Variants in SLC4A4 observed in about 807,000 individuals in gnomAD.
SLC4A4 encodes the protein electrogenic sodium bicarbonate cotransporter 1.
SLC4A4 carries 27 observed loss-of-function variants against 111.5 expected under a neutral mutation model. The observed-to-expected ratio is 0.24, with a 90% CI of 0.18 to 0.33. The LOEUF (loss-of-function observed/expected upper bound fraction) is 0.33. Ranked by LOEUF, SLC4A4 falls within the 10% of genes least tolerant of loss-of-function variation. The pLI is 1.00. For missense variants in SLC4A4, 909 were observed against 1,315.5 expected, an observed-to-expected ratio of 0.69 and a Z score of 4.78; for synonymous variants, 443 against 463.4, an observed-to-expected ratio of 0.96 and a Z score of 0.57.
At chr4:71,117,095 G>T (rs990027178) in intron 2 of SLC4A4, among the ~76,000 whole-genome samples, 3 of 152,084 alleles carry the variant, frequency 2.0e-5, no homozygotes, top group African/African-American at 7.2e-5. Context: ...TTTCACCTCA[G>T]CCTCCCAAGC....
chr4:71,537,499 G>A (rs911735011), intron 18 of SLC4A4, among the ~76,000 whole-genome samples: 1 of 151,034 alleles, frequency 6.6e-6, no homozygotes, highest in African/African-American at 2.4e-5. Flanking sequence ...TTTATAAAAG[G>A]CCAGATAACT....
At chr4:71,207,215 C>T (rs1717827575) in intron 1 of SLC4A4, among the ~76,000 whole-genome samples, 1 of 152,166 alleles carries the variant, frequency 6.6e-6, no homozygotes, top group Non-Finnish European at 1.5e-5. Flanking sequence ...GGTGTTGGCT[C>T]TATTCCAAAC....
chr4:71,468,223 G>A (rs879369352), intron 13 of SLC4A4, among the ~76,000 whole-genome samples: 4 of 152,032 alleles, frequency 2.6e-5, no homozygotes, highest in Non-Finnish European at 5.9e-5. Flanking sequence ...TATAGAAAGA[G>A]TCAAACAGTT....
intron 16 of SLC4A4, among the ~76,000 whole-genome samples, chr4:71,500,560 C>T (rs550215010): frequency 1.3e-5 from 2 of 152,156 alleles, no homozygotes; most frequent in African/African-American, 4.8e-5. Context: ...GACCTCGTGA[C>T]CCACTCGCCT....
chr4:71,535,843 A>G (rs1377526), intron 18 of SLC4A4, among the ~76,000 whole-genome samples: 117,651 of 150,238 alleles, frequency 0.78, 46,174 homozygotes, highest in Non-Finnish European at 0.84. Context: ...TCTAACATGG[A>G]GAGTAAAACA....
rs781043517 is a variant in SLC4A4 at position 71,285,965 on chromosome 4, G to A, written c.253+30566G>A. Among the ~76,000 whole-genome samples, 13 of 152,064 alleles carry A rather than the reference G, an allele frequency of 8.5e-5. No individual in the cohort carries two copies. The East Asian group carries it at 1.2e-3, about 14-fold the overall frequency. Reference sequence around the variant, plus strand: ...TAAAAGTTCAGATTTCTGGCCAGGCGCAGTGGTTCACACCTGTAATCCCAG... The same window carrying A: ...TAAAAGTTCAGATTTCTGGCCAGGCACAGTGGTTCACACCTGTAATCCCAG... On this transcript the variant is annotated intron_variant, in intron 3 of 25. Coordinates refer to ENST00000264485, the MANE Select transcript of SLC4A4 (RefSeq NM_001098484.3).
At chr4:71,109,766 A>T (rs1743038351) in intron 2 of SLC4A4, among the ~76,000 whole-genome samples, 3 of 151,596 alleles carry the variant, frequency 2.0e-5, no homozygotes, top group African/African-American at 4.8e-5. Context: ...TGGTCTCGAA[A>T]CCCTGACCCC....
At chr4:71,073,453 C>T (rs975643097) in intron 1 of SLC4A4, among the ~76,000 whole-genome samples, 21 of 152,172 alleles carry the variant, frequency 1.4e-4, no homozygotes, top group African/African-American at 5.1e-4. Context: ...AAAATGCTTT[C>T]TGCAAGGGTG....
At chr4:71,352,551 G>A (rs1263641917) in intron 5 of SLC4A4, among the ~76,000 whole-genome samples, 1 of 152,130 alleles carries the variant, frequency 6.6e-6, no homozygotes, top group African/African-American at 2.4e-5. Context: ...TTAATGTTGG[G>A]GAGTTTTAAT....
At chr4:71,362,201 A>G (rs1373187087) in intron 6 of SLC4A4, among the ~76,000 whole-genome samples, 1 of 152,136 alleles carries the variant, frequency 6.6e-6, no homozygotes, top group Non-Finnish European at 1.5e-5. Flanking sequence ...TTGCCTTCCA[A>G]GGTCTGGGAG....
chr4:71,381,124 G>T (rs141295046), intron 6 of SLC4A4, among the ~76,000 whole-genome samples: 1 of 152,152 alleles, frequency 6.6e-6, no homozygotes. Flanking sequence ...GTTACAAATC[G>T]AAGTGCAGTC....
At chr4:71,425,592 C>T (rs1723051414) in intron 7 of SLC4A4, among the ~76,000 whole-genome samples, 1 of 152,080 alleles carries the variant, frequency 6.6e-6, no homozygotes, top group African/African-American at 2.4e-5. Flanking sequence ...TCGGCTACAG[C>T]TTGGTTTTAT....
chr4:71,375,019 C>G (rs1255161661), intron 6 of SLC4A4, among the ~76,000 whole-genome samples: 1 of 152,180 alleles, frequency 6.6e-6, no homozygotes, highest in Non-Finnish European at 1.5e-5. Context: ...ACCACTAAAC[C>G]TGTTAAATGT....
At chr4:71,535,521 A>G (rs935498154) in intron 18 of SLC4A4, among the ~76,000 whole-genome samples, 1 of 152,182 alleles carries the variant, frequency 6.6e-6, no homozygotes, top group Non-Finnish European at 1.5e-5. Flanking sequence ...GCTGAGATTG[A>G]TGAACTGGTC....
Position 71,343,463 on chromosome 4 carries a change from C to T in SLC4A4, c.389+3958C>T, listed in dbSNP as rs141222877. 1.2e-3 allele frequency among the ~76,000 whole-genome samples: 177 copies of T among 152,182 alleles called. 1 individual carries two copies. The highest frequency in any genetic ancestry group is 4.0e-3 in the African/African-American group (165 of 41,526). On this transcript the variant is annotated intron_variant, in intron 4 of 25. Transcript: ENST00000264485. The stretch of plus-strand genomic sequence containing the variant: ...GGGCTAATAGGATTCTCAAAATTGA[C>T]ATGTCTAAAACTGAACTTCAGATCT...
intron 7 of SLC4A4, 86 bp from the exon 8 acceptor site, chr4:71,440,530 C>T (rs1724620883): frequency 1.3e-6 from 2 of 1,511,748 alleles, no homozygotes; most frequent in Admixed American, 3.3e-5. Context: ...TGGGAAGGCC[C>T]TTTTTGTTCC....
chr4:71,153,921 G>C (rs1010727506), intron 2 of SLC4A4, among the ~76,000 whole-genome samples: 2 of 152,186 alleles, frequency 1.3e-5, no homozygotes, highest in Admixed American at 1.3e-4. Context: ...AGGAGCATCA[G>C]TAGCCACCAG....
intron 8 of SLC4A4, among the ~76,000 whole-genome samples, chr4:71,443,114 CTCTA>C (rs1262630939): frequency 1.5e-3 from 134 of 90,234 alleles, no homozygotes; most frequent in East Asian, 2.7e-3. Flanking sequence ...CTCTCTCTCT[CTCTA>C]TATATATATA....
chr4:71,434,126 G>T (rs1723893197), intron 7 of SLC4A4, among the ~76,000 whole-genome samples: 1 of 152,018 alleles, frequency 6.6e-6, no homozygotes, highest in Non-Finnish European at 1.5e-5. Context: ...TAGGGAAAAA[G>T]TGAAGGAAAT....
Sources: allele counts gnomAD v4.1 joint callset (sites outside exome capture counted in the v4.1 genomes callset), GRCh38; gene constraint gnomAD v4.1.1; transcripts MANE v1.5; gene names NCBI Gene and HGNC (gene_info 2026-07-23, HGNC 2026-07-21).